EXOC6: variants seen among roughly 807,000 people sequenced by gnomAD.
EXOC6 encodes the protein exocyst complex component 6, also known as SEC15-like 1.
A neutral mutation model predicts 112.5 loss-of-function variants in EXOC6; 60 were observed. That is an observed-to-expected ratio of 0.53 (90% CI 0.43 to 0.66). The LOEUF is 0.66. Ranked by LOEUF, EXOC6 falls within the 30% of genes least tolerant of loss-of-function variation. The pLI, the probability that EXOC6 is intolerant of heterozygous loss-of-function variation, is 0.00. For missense variants in EXOC6, 855 were observed against 957.1 expected (o/e 0.89, Z 1.41); for synonymous variants, 295 against 308.0 (o/e 0.96, Z 0.44).
intron 20 of EXOC6, among the ~76,000 whole-genome samples, chr10:93,019,727 C>A (rs1050459373): frequency 6.6e-6 from 1 of 152,160 alleles, no homozygotes; most frequent in African/African-American, 2.4e-5. Context: ...AGGTTCCTGA[C>A]CTTGGGATAA....
At chr10:92,826,872 C>T (rs972283640) in exon 1 of EXOC6, among the ~76,000 whole-genome samples, 2 of 151,968 alleles carry the variant, frequency 1.3e-5, no homozygotes, top group African/African-American at 4.8e-5. Context: ...GAGCATAAAC[C>T]CTGAGGTGGA....
At chr10:93,024,826 T>C (rs1400737469) in intron 20 of EXOC6, among the ~76,000 whole-genome samples, 2 of 152,228 alleles carry the variant, frequency 1.3e-5, no homozygotes, top group African/African-American at 4.8e-5. Context: ...AAACATCCTT[T>C]GGCAAATGCT....
At chr10:92,876,059 T>A (rs112412259) in intron 1 of EXOC6, among the ~76,000 whole-genome samples, 1 of 152,124 alleles carries the variant, frequency 6.6e-6, no homozygotes, top group African/African-American at 2.4e-5. Flanking sequence ...AATTTAATAT[T>A]GACAATGCCT....
At chr10:92,994,577 A>G (rs570461108) in intron 18 of EXOC6, among the ~76,000 whole-genome samples, 1 of 152,266 alleles carries the variant, frequency 6.6e-6, no homozygotes, top group Non-Finnish European at 1.5e-5. Context: ...GGCAAGAGAA[A>G]TTTTGAGGTG....
intron 18 of EXOC6, among the ~76,000 whole-genome samples, chr10:92,982,819 T>C (rs955643299): frequency 6.6e-6 from 1 of 152,210 alleles, no homozygotes; most frequent in Non-Finnish European, 1.5e-5. Flanking sequence ...GCTGTAGTGT[T>C]TTACTGATGT....
chr10:92,964,762 A>C (rs1420422574), intron 17 of EXOC6, among the ~76,000 whole-genome samples: 1 of 152,238 alleles, frequency 6.6e-6, no homozygotes, highest in Non-Finnish European at 1.5e-5. Flanking sequence ...AAGATAGGGC[A>C]CTGCTGCTCA....
intron 1 of EXOC6, among the ~76,000 whole-genome samples, chr10:92,877,217 A>G (rs1848720679): frequency 6.6e-6 from 1 of 152,204 alleles, no homozygotes; most frequent in Non-Finnish European, 1.5e-5. Flanking sequence ...GGAAATCAGC[A>G]ATGAATGTAT....
At chr10:92,941,094 T>A (rs1589873051) in intron 13 of EXOC6, among the ~76,000 whole-genome samples, 1 of 151,950 alleles carries the variant, frequency 6.6e-6, no homozygotes, top group South Asian at 2.1e-4. Context: ...ATTTCCCCCT[T>A]CCCCCAGCCT....
At chr10:92,988,219 C>T (rs1358243078) in intron 18 of EXOC6, among the ~76,000 whole-genome samples, 1 of 152,150 alleles carries the variant, frequency 6.6e-6, no homozygotes, top group Non-Finnish European at 1.5e-5. Flanking sequence ...TCTGAATTGC[C>T]TTAGCTCTTA....
intron 1 of EXOC6, among the ~76,000 whole-genome samples, chr10:92,867,791 T>A (rs1304103411): frequency 6.6e-6 from 1 of 152,164 alleles, no homozygotes; most frequent in African/African-American, 2.4e-5. Flanking sequence ...ACACAACTGG[T>A]CAGTATCCAC....
At chr10:92,873,054 T>G (rs911429672) in intron 1 of EXOC6, among the ~76,000 whole-genome samples, 1 of 152,214 alleles carries the variant, frequency 6.6e-6, no homozygotes, top group African/African-American at 2.4e-5. Flanking sequence ...ACTTTTTGAA[T>G]TAAAATTTAT....
chr10:92,840,741 G>A (rs1205635980), intron 1 of EXOC6, among the ~76,000 whole-genome samples: 1 of 151,328 alleles, frequency 6.6e-6, no homozygotes, highest in African/African-American at 2.4e-5. Context: ...CTTGGCTCAA[G>A]TGGCCTCTTG....
intron 20 of EXOC6, among the ~76,000 whole-genome samples, chr10:93,020,026 A>G (rs1378227851): frequency 6.6e-6 from 1 of 152,208 alleles, no homozygotes; most frequent in Non-Finnish European, 1.5e-5. Context: ...TTACAAATAA[A>G]TTGGTCCTAG....
Position 92,952,269 on chromosome 10 carries a change from A to G in EXOC6, c.1417-4A>G. The G allele has an allele frequency of 2.6e-6, 4 of 1,557,144 alleles. No homozygotes were observed. Among genetic ancestry groups the G allele is most frequent in the Non-Finnish European group, 3.5e-6 (4 of 1,135,834 alleles). On this transcript the variant is annotated splice_region_variant and splice_polypyrimidine_tract_variant and intron_variant, in intron 14 of 21. Transcript: ENST00000260762. The stretch of plus-strand genomic sequence containing the variant: ...AAAACAATATTAACTTTCTTTTTCT[A>G]CAGCAGTCTTTCCCAAAGAAATTCC...
chr10:92,900,698 CCATT>C (rs1258688566), intron 5 of EXOC6: 2 of 150,050 alleles, frequency 1.3e-5, no homozygotes, highest in Non-Finnish European at 3.0e-5. Flanking sequence ...TTCCTATTTC[CCATT>C]CACCATTCCT....
At chr10:92,835,456 TA>T (rs1846632008) in intron 1 of EXOC6, among the ~76,000 whole-genome samples, 1 of 152,240 alleles carries the variant, frequency 6.6e-6, no homozygotes, top group African/African-American at 2.4e-5. Flanking sequence ...TTTTAAAATT[TA>T]ATTCTCTATG....
rs761525403 is a variant in EXOC6, at chr10:92,895,055, T to G, written c.412+35T>G. On this transcript the variant is annotated intron_variant, in intron 4 of 21. Transcript: ENST00000260762. ...ACTTGTCTATAATAAAACGTTTGGC[T>G]TGGTAAAGTTGTAATTTAATAATAG... 9.6e-6 allele frequency: 12 copies of G among 1,247,868 alleles called. No individual in the cohort carries two copies. The Admixed American group carries it at 1.9e-4, about 20-fold the overall frequency. The allele number at this position is 1,247,868 out of a possible 1,614,324, so 77.3% of individuals were successfully genotyped here. A position where few individuals can be genotyped will look rare whatever the true frequency, so the allele number is the denominator to read the frequency against.
At chr10:92,986,622 G>C (rs77309974) in intron 18 of EXOC6, among the ~76,000 whole-genome samples, 2,247 of 149,070 alleles carry the variant, frequency 0.015, 55 homozygotes, top group African/African-American at 0.053. Context: ...CATAAATTCT[G>C]GTTTCATTGA....
intron 18 of EXOC6, among the ~76,000 whole-genome samples, chr10:92,990,693 A>G (rs550015826): frequency 6.6e-6 from 1 of 152,282 alleles, no homozygotes; most frequent in South Asian, 2.1e-4. Context: ...AACATGTGCC[A>G]TGGTGGTTTA....
Sources: gnomAD v4.1 joint callset for allele counts (sites outside exome capture counted in the v4.1 genomes callset) on GRCh38, gnomAD v4.1.1 for gene constraint, MANE v1.5 for transcripts, NCBI Gene and HGNC (gene_info 2026-07-23, HGNC 2026-07-21) for gene names.